Variants in BMP1 observed in about 807,000 individuals in gnomAD.
The protein encoded by BMP1 is bone morphogenetic protein 1.
BMP1 carries 63 observed loss-of-function variants against 116.8 expected under a neutral mutation model. The observed-to-expected ratio is 0.54, with a 90% CI of 0.44 to 0.67. BMP1 has a LOEUF of 0.67. Ranked by LOEUF, BMP1 falls within the 30% of genes least tolerant of loss-of-function variation. The pLI is 0.00. For missense variants in BMP1, 1,183 were observed against 1,358.9 expected (o/e 0.87, Z 2.04); for synonymous variants, 536 against 533.4 (o/e 1.00, Z -0.07).
intron 9 of BMP1, 104 bp from the exon 10 acceptor site, chr8:22,193,954 G>A (rs1829002905): frequency 1.2e-6 from 1 of 852,310 alleles, no homozygotes; most frequent in Non-Finnish European, 1.9e-6. Context: ...GAAGTAGGGT[G>A]GCCACAGATC....
intron 8 of BMP1, among the ~76,000 whole-genome samples, chr8:22,186,116 G>A (rs1405663213): frequency 2.0e-5 from 3 of 152,104 alleles, no homozygotes; most frequent in Admixed American, 2.0e-4. Flanking sequence ...GATTACAGGC[G>A]TGAGCCACCA....
intron 13 of BMP1, chr8:22,196,049 C>T (rs1006177668): frequency 1.2e-4 from 45 of 378,804 alleles, no homozygotes; most frequent in African/African-American, 7.4e-4. Flanking sequence ...ATTGCAACCC[C>T]GAGAACACAC....
At chr8:22,184,854 A>T (rs550316174) in intron 8 of BMP1, among the ~76,000 whole-genome samples, 2 of 152,366 alleles carry the variant, frequency 1.3e-5, no homozygotes, top group South Asian at 4.1e-4. Flanking sequence ...TTTCAAAGGT[A>T]AACCTGAAAT....
In BMP1 at chr8:22,204,022, A is replaced by G. The variant is rs1829309110; in HGVS notation, c.2233+2094A>G. Reference sequence around the variant, plus strand: ...TTCTTACTCAGGTGATAGGTTAATTACAGATCTGTAAGCATTTCCTGATTC... The same window carrying G: ...TTCTTACTCAGGTGATAGGTTAATTGCAGATCTGTAAGCATTTCCTGATTC... On this transcript the variant is annotated intron_variant, in intron 16 of 19. Coordinates refer to ENST00000306385, the MANE Select transcript of BMP1 (RefSeq NM_006129.5). 2.6e-5 allele frequency among the ~76,000 whole-genome samples: 4 copies of G among 152,196 alleles called. No individual in the cohort carries two copies. The South Asian group carries it at 8.3e-4, about 32-fold the overall frequency.
At position 22,173,610 on chromosome 8, in the gene BMP1, C is replaced by T. The variant is rs202096263; in HGVS notation, c.157C>T (p.Leu53Phe). Reference protein sequence around the residue: ...YKDPCKAAAFLGDIALDEEDL... With the variant: ...YKDPCKAAAFFGDIALDEEDL... ...TCTTCTTTTCTCTTTAGCTGCCTTT[C>T]TTGGGGACATTGCCCTGGACGAAGA... is the stretch of plus-strand genomic sequence containing the variant. Residue 53 changes from leucine (L) to phenylalanine (F), a missense_variant, in exon 2 of 20, where the codon CTT becomes TTT. Around this residue, in one of 4 missense-constraint regions of BMP1, gnomAD observed 185 missense variants for 158.9 expected, o/e 1.16. Coordinates refer to ENST00000306385, the MANE Select transcript of BMP1 (RefSeq NM_006129.5). 3.1e-6 allele frequency: 5 copies of T among 1,610,372 alleles called. No individual in the cohort carries two copies. In the Admixed American group the frequency reaches 6.8e-5, roughly 22 times the overall value.
chr8:22,209,176 A>G (rs1829416470), intron 18 of BMP1, among the ~76,000 whole-genome samples: 1 of 151,566 alleles, frequency 6.6e-6, no homozygotes, highest in South Asian at 2.1e-4. Context: ...CTTTAGACAA[A>G]GTGTGTGGTG....
chr8:22,201,319 TC>T (rs1412172237), intron 15 of BMP1: 7 of 1,502,824 alleles, frequency 4.7e-6, no homozygotes, highest in Non-Finnish European at 6.2e-6. Flanking sequence ...CCGGCCCACC[TC>T]CCTCTGGCCG....
At chr8:22,210,890 A>G (rs1378860793) in intron 19 of BMP1, among the ~76,000 whole-genome samples, 1 of 152,266 alleles carries the variant, frequency 6.6e-6, no homozygotes, top group Non-Finnish European at 1.5e-5. Context: ...TCCTGGCACA[A>G]CTACTCGGAA....
At chr8:22,176,337 A>G in intron 3 of BMP1, 24 bp downstream of exon 3, 2 of 1,576,688 alleles carry the variant, frequency 1.3e-6, no homozygotes, top group Non-Finnish European at 1.7e-6. Flanking sequence ...TGTGGGTCCC[A>G]GAGTGTAACC....
intron 8 of BMP1, among the ~76,000 whole-genome samples, chr8:22,187,485 C>A (rs2131867936): frequency 6.7e-6 from 1 of 150,016 alleles, no homozygotes; most frequent in African/African-American, 2.4e-5. Flanking sequence ...AGCCCGCCAC[C>A]ACGCCCGGCT....
At chr8:22,206,244 G>A (rs941400786) in intron 16 of BMP1, among the ~76,000 whole-genome samples, 10 of 152,208 alleles carry the variant, frequency 6.6e-5, no homozygotes, top group African/African-American at 1.2e-4. Flanking sequence ...GCTCACGCCT[G>A]TAATCCCAGC....
At chr8:22,208,378 G>A (rs1214825028) in intron 18 of BMP1, among the ~76,000 whole-genome samples, 2 of 152,242 alleles carry the variant, frequency 1.3e-5, no homozygotes, top group East Asian at 3.8e-4. Flanking sequence ...TCAGGCATGA[G>A]CCCTTCACTC....
intron 8 of BMP1, among the ~76,000 whole-genome samples, chr8:22,185,218 G>A (rs146396501): frequency 0.012 from 1,807 of 152,198 alleles, 43 homozygotes; most frequent in African/African-American, 0.041. Flanking sequence ...TTGGGAGGTC[G>A]AGGCGGGTGG....
chr8:22,207,568 G>C, intron 18 of BMP1, 52 bp downstream of exon 18: 2 of 1,590,244 alleles, frequency 1.3e-6, no homozygotes, highest in South Asian at 2.2e-5. Context: ...CCAAGACTGG[G>C]GTAGAGTCGG....
chr8:22,170,511 A>G (rs1178850265), intron 1 of BMP1: 2 of 152,244 alleles, frequency 1.3e-5, no homozygotes, highest in Non-Finnish European at 2.9e-5. Flanking sequence ...ATAGTAGCCA[A>G]CCTGGATTCC....
chr8:22,194,538 G>A lies in BMP1; in HGVS notation c.1391G>A (p.Arg464Gln), dbSNP rs561063512. The A allele has an allele frequency of 4.0e-5, 64 of 1,614,188 alleles. 1 individual carries two copies. Among genetic ancestry groups the A allele is most frequent in the South Asian group, 3.4e-4 (31 of 91,082 alleles). ...DYRPSKVCIWRIQVSEGFHVG... is the reference protein window; with the variant it reads ...DYRPSKVCIWQIQVSEGFHVG... ...CGGCCCAGCAAAGTCTGCATCTGGC[G>A]GATCCAGGTGTCTGAGGGCTTCCAC... The change falls in exon 11 of 20, where the codon CGG becomes CAG. Residue 464 changes from arginine to glutamine, a missense_variant. This residue lies in a region of BMP1 where 956 missense variants were observed against 1,135.2 expected (regional missense o/e 0.84). Coordinates refer to ENST00000306385, the MANE Select transcript of BMP1 (RefSeq NM_006129.5). This position sits in a 1 kb window ranked among gnomAD's most constrained non-coding sequence, Gnocchi z 4.5.
At chr8:22,191,987 C>T in intron 8 of BMP1, 62 bp from the exon 9 acceptor site, 2 of 1,449,146 alleles carry the variant, frequency 1.4e-6, no homozygotes, top group Non-Finnish European at 9.6e-7. Flanking sequence ...CATCATGGGG[C>T]TGGCAGAGGG....
At chr8:22,193,905 C>A (rs569410668) in intron 9 of BMP1, among the ~76,000 whole-genome samples, 153 bp from the exon 10 acceptor site, 1 of 152,360 alleles carries the variant, frequency 6.6e-6, no homozygotes, top group East Asian at 1.9e-4. Flanking sequence ...TTGGACCAGA[C>A]AGAAGCCAAC....
chr8:22,203,609 A>G (rs1829301876), intron 16 of BMP1, among the ~76,000 whole-genome samples: 1 of 152,200 alleles, frequency 6.6e-6, no homozygotes, highest in South Asian at 2.1e-4. Flanking sequence ...ACTAAGCTTT[A>G]TAGACATGGC....
Sources: allele counts gnomAD v4.1 joint callset (sites outside exome capture counted in the v4.1 genomes callset), GRCh38; gene constraint gnomAD v4.1.1; regional missense constraint gnomAD v4.1.1; non-coding constraint Gnocchi (gnomAD v3.1); transcripts MANE v1.5; gene names NCBI Gene and HGNC (gene_info 2026-07-23, HGNC 2026-07-21).